The following TRIO variants were observed in gnomAD, a reference collection of about 807,000 sequenced individuals.
TRIO encodes the protein trio Rho guanine nucleotide exchange factor.
TRIO carries 58 observed loss-of-function variants against 351.9 expected under a neutral mutation model. The observed-to-expected ratio is 0.16, with a 90% CI of 0.13 to 0.21. The LOEUF is 0.21. TRIO is among the 10% of genes least tolerant of loss of function. TRIO has a pLI of 1.00. For synonymous variants in TRIO, 1,758 were observed against 1,595.7 expected (o/e 1.10, Z -2.42); for missense variants, 3,201 against 4,027.8 (o/e 0.79, Z 5.56).
chr5:14,347,082 C>T (rs979050251), intron 11 of TRIO, among the ~76,000 whole-genome samples: 1 of 147,336 alleles, frequency 6.8e-6, no homozygotes, highest in Non-Finnish European at 1.5e-5. Flanking sequence ...CCAGTCATCT[C>T]AGGCGGACCT....
intron 5 of TRIO, 24 bp from the exon 6 acceptor site, chr5:14,292,988 G>A (rs369343502): frequency 8.1e-6 from 13 of 1,613,684 alleles, no homozygotes; most frequent in Admixed American, 3.3e-5. Flanking sequence ...GAGTGATTGC[G>A]GGTTGTCTTT....
At chr5:14,358,400 C>T (rs1458184431) in intron 12 of TRIO, 53 bp downstream of exon 12, 2 of 1,594,604 alleles carry the variant, frequency 1.3e-6, no homozygotes, top group Non-Finnish European at 1.7e-6. Context: ...CTGCCTGTGA[C>T]TCCCCTTCCC....
intron 1 of TRIO, among the ~76,000 whole-genome samples, chr5:14,237,973 A>G (rs1293601153): frequency 6.6e-6 from 1 of 152,230 alleles, no homozygotes; most frequent in Non-Finnish European, 1.5e-5. Flanking sequence ...TAAGAATGTT[A>G]TTCTGAGCAG....
In TRIO at chr5:14,270,343, C is replaced by T. The variant is rs182550392; in HGVS notation, c.158-482C>T. Among the ~76,000 whole-genome samples the T allele has an allele frequency of 5.4e-3, 818 of 152,258 alleles. 22 individuals carry two copies. Among genetic ancestry groups the T allele is most frequent in the Non-Finnish European group, 3.0e-3 (203 of 68,012 alleles). ...CCAGCTATTTATAATCCCCTCTCTC[C>T]GCCTTGCCACTGTGTATTTTTAACC... is the stretch of plus-strand genomic sequence containing the variant. On this transcript the variant is annotated intron_variant, in intron 1 of 56. Coordinates refer to ENST00000344204, the MANE Select transcript of TRIO (RefSeq NM_007118.4).
intron 1 of TRIO, among the ~76,000 whole-genome samples, chr5:14,251,867 A>G (rs115087630): frequency 0.017 from 2,580 of 151,762 alleles, 36 homozygotes; most frequent in Middle Eastern, 0.041. Flanking sequence ...TCTCTCTACA[A>G]CCTGAGAGGA....
intron 34 of TRIO, among the ~76,000 whole-genome samples, chr5:14,432,644 C>G (rs1458056865): frequency 6.6e-6 from 1 of 152,092 alleles, no homozygotes; most frequent in Non-Finnish European, 1.5e-5. Flanking sequence ...TTCTCCTCTT[C>G]CTACTCCCCT....
intron 11 of TRIO, among the ~76,000 whole-genome samples, chr5:14,339,418 A>T (rs17304347): frequency 0.025 from 3,772 of 152,336 alleles, 150 homozygotes; most frequent in Admixed American, 0.11. Context: ...TCATTGACTT[A>T]CACAATAGGA....
At chr5:14,317,434 G>A (rs1480153623) in intron 9 of TRIO, among the ~76,000 whole-genome samples, 1 of 152,216 alleles carries the variant, frequency 6.6e-6, no homozygotes. Flanking sequence ...TCACCTCTGG[G>A]GAGGAGGAAT....
chr5:14,203,623 A>G (rs552759165), intron 1 of TRIO, among the ~76,000 whole-genome samples: 1 of 152,232 alleles, frequency 6.6e-6, no homozygotes, highest in Non-Finnish European at 1.5e-5. Context: ...CAGTCTTTTA[A>G]AAAATGTATG....
At chr5:14,288,523 C>T (rs188719968) in intron 4 of TRIO, among the ~76,000 whole-genome samples, 14 of 152,148 alleles carry the variant, frequency 9.2e-5, no homozygotes, top group East Asian at 3.9e-4. Context: ...AAAAATTAGC[C>T]GGGCGTGGTG....
intron 33 of TRIO, among the ~76,000 whole-genome samples, chr5:14,416,867 G>A (rs1749690887): frequency 6.6e-6 from 1 of 152,170 alleles, no homozygotes; most frequent in Admixed American, 6.5e-5. Flanking sequence ...CTGGGAGTGG[G>A]GGCTGCTAGA....
In TRIO at chr5:14,487,557, G is replaced by A. The variant is rs892410126; in HGVS notation, c.6929G>A (p.Gly2310Asp). 9.1e-7 allele frequency: 1 copy of A among 1,094,472 alleles called. No homozygotes were observed. Among genetic ancestry groups the A allele is most frequent in the Non-Finnish European group, 1.1e-6 (1 of 891,930 alleles). The allele number at this position is 1,094,472 out of a possible 1,614,324, so 67.8% of individuals were successfully genotyped here. The change falls in exon 48 of 57, where the codon GGC (glycine) becomes GAC (aspartate). Residue 2310 changes from glycine to aspartate, a missense_variant. Physicochemically the swap from Gly to Asp is moderately conservative, Grantham distance 94. Transcript: ENST00000344204. ...AGCGGCGGGGGTGGGGGCAGCGGCG[G>A]CGGCGGGGCCCCCAGTGGCGGCAGC... Reference protein sequence around the residue: ...GGSGGGGGSGGGGAPSGGSGH... With the variant: ...GGSGGGGGSGDGGAPSGGSGH...
intron 35 of TRIO, 128 bp from the exon 36 acceptor site, chr5:14,462,627 C>A: frequency 1.5e-6 from 2 of 1,313,802 alleles, no homozygotes; most frequent in Non-Finnish European, 2.1e-6. Flanking sequence ...CCATCGAGGT[C>A]GAGAATAGCT....
chr5:14,280,689 T>A (rs1200854497), intron 3 of TRIO, among the ~76,000 whole-genome samples: 5 of 152,184 alleles, frequency 3.3e-5, no homozygotes, highest in Non-Finnish European at 7.4e-5. Flanking sequence ...CAGCTGGGAT[T>A]TCAGGATGTG....
chr5:14,503,776 G>A (rs1057435716), intron 54 of TRIO, among the ~76,000 whole-genome samples: 4 of 152,208 alleles, frequency 2.6e-5, no homozygotes, highest in African/African-American at 7.2e-5. Context: ...CAGTCTGCCC[G>A]CCACAGGCGC....
Position 14,488,092 on chromosome 5 carries a change from C to T in TRIO, c.7464C>T (p.Ser2488=), listed in dbSNP as rs769593038. 2 of 1,604,424 alleles carry T rather than the reference C, an allele frequency of 1.2e-6. No homozygotes were observed. Among genetic ancestry groups the T allele is most frequent in the South Asian group, 1.1e-5 (1 of 90,846 alleles). Residue 2488 remains serine (S), a synonymous_variant, in exon 48 of 57, where the codon TCC becomes TCT. Transcript: ENST00000344204. ...PLQKGGSFWS[S]IPASPASRPG... ...AGAAGGGGGGCTCCTTCTGGAGCTC[C>T]ATCCCCGCCTCCCCCGCCAGCCGAC...
chr5:14,233,316 TAAAAAAAAAAAAA>T (rs35925373), intron 1 of TRIO, among the ~76,000 whole-genome samples: 19 of 109,212 alleles, frequency 1.7e-4, no homozygotes, highest in African/African-American at 7.1e-4. Flanking sequence ...CCTCGTCTCT[TAAAAAAAAAAAAA>T]AAAAAAAAAA....
chr5:14,431,949 A>G (rs1751187082), intron 34 of TRIO, among the ~76,000 whole-genome samples: 2 of 152,204 alleles, frequency 1.3e-5, no homozygotes, highest in South Asian at 4.1e-4. Flanking sequence ...TAAGAGCCTC[A>G]TTTTAATTTA....
chr5:14,390,199 T>C (rs1002012952), intron 25 of TRIO, 32 bp from the exon 26 acceptor site: 12 of 1,605,350 alleles, frequency 7.5e-6, no homozygotes, highest in Non-Finnish European at 9.4e-6. Context: ...TAAAACACCT[T>C]TGTAATATGA....
Sources: gnomAD v4.1 joint callset for allele counts (sites outside exome capture counted in the v4.1 genomes callset) on GRCh38, gnomAD v4.1.1 for gene constraint, MANE v1.5 for transcripts, NCBI Gene and HGNC (gene_info 2026-07-23, HGNC 2026-07-21) for gene names.